The following SYNJ1 variants were observed in gnomAD, a reference collection of about 807,000 sequenced individuals.
SYNJ1 encodes synaptojanin 1.
In SYNJ1, 78 loss-of-function variants were observed where a neutral mutation model predicts 168.2. That is an observed-to-expected ratio of 0.46 (90% CI 0.39 to 0.56). The LOEUF is 0.56. Ranked by LOEUF, SYNJ1 falls within the 20% of genes least tolerant of loss-of-function variation. The pLI, the probability that SYNJ1 is intolerant of heterozygous loss-of-function variation, is 0.00. For synonymous variants in SYNJ1, 539 were observed against 548.6 expected, an observed-to-expected ratio of 0.98 and a Z score of 0.24; for missense variants, 1,303 against 1,597.6, an observed-to-expected ratio of 0.82 and a Z score of 3.14.
chr21:32,708,583 G>A (rs187883178), intron 2 of SYNJ1, among the ~76,000 whole-genome samples: 73 of 152,282 alleles, frequency 4.8e-4, no homozygotes, highest in African/African-American at 1.7e-3. Flanking sequence ...GGCCTGCACC[G>A]CATTAGTTCA....
chr21:32,656,938 G>A (rs2040481431), intron 20 of SYNJ1, 36 bp from the exon 21 acceptor site: 2 of 1,610,634 alleles, frequency 1.2e-6, no homozygotes, highest in Non-Finnish European at 8.5e-7. Flanking sequence ...TATTAGAAAT[G>A]TTTTTAAAAG....
At position 32,650,320 on chromosome 21, in the gene SYNJ1, A is replaced by G. The variant is rs1391096062; in HGVS notation, c.2901T>C (p.Ala967=). The G allele has an allele frequency of 6.2e-7, 1 of 1,612,548 alleles. No individual in the cohort carries two copies. Among genetic ancestry groups the G allele is most frequent in the African/African-American group, 1.3e-5 (1 of 74,844 alleles). Residue 967 remains alanine (A), a synonymous_variant, in exon 23 of 33, where the codon GCT becomes GCC. Coordinates refer to ENST00000674351, the MANE Select transcript of SYNJ1 (RefSeq NM_203446.3). ...KELLNRTITI[A]LKSPDWIKNL... ...TTTTGATCCAGTCTGGACTTTTTAA[A>G]GCAATAGTTATAGTCCGATTCAATA... is the stretch of plus-strand genomic sequence containing the variant.
At chr21:32,669,167 G>A (rs913402792) in intron 15 of SYNJ1, among the ~76,000 whole-genome samples, 5 of 152,124 alleles carry the variant, frequency 3.3e-5, no homozygotes, top group African/African-American at 7.2e-5. Flanking sequence ...AAAAGAAAAT[G>A]CTTTAAATTG....
intron 2 of SYNJ1, among the ~76,000 whole-genome samples, chr21:32,719,000 C>A (rs1006932958): frequency 1.3e-5 from 2 of 152,066 alleles, no homozygotes; most frequent in Admixed American, 1.3e-4. Flanking sequence ...ACAATAATTA[C>A]AGTAAAAAAA....
At chr21:32,655,474 A>G (rs1601301695) in intron 21 of SYNJ1, among the ~76,000 whole-genome samples, 1 of 152,082 alleles carries the variant, frequency 6.6e-6, no homozygotes, top group South Asian at 2.1e-4. Flanking sequence ...TTTCTTCTCC[A>G]TTTGTTCATT....
chr21:32,659,487 C>T (rs1295119283), intron 18 of SYNJ1, among the ~76,000 whole-genome samples: 5 of 152,146 alleles, frequency 3.3e-5, no homozygotes, highest in Non-Finnish European at 5.9e-5. Flanking sequence ...GCACTGCGCC[C>T]TGGGCCTGGT....
In SYNJ1 at chr21:32,652,390, A is replaced by G. The variant is rs369038568; in HGVS notation, c.2874+898T>C. 8.5e-5 allele frequency among the ~76,000 whole-genome samples: 13 copies of G among 152,154 alleles called. No individual in the cohort carries two copies. In the East Asian group the frequency reaches 9.7e-4, roughly 11 times the overall value. On this transcript the variant is annotated intron_variant, in intron 22 of 32. Transcript: ENST00000674351. ...TACTTCTTGTATTTTTAGTAGAGAC[A>G]GGTTTTTGCCATGTTGGCCAGGCTG... is the stretch of plus-strand genomic sequence containing the variant.
intron 18 of SYNJ1, among the ~76,000 whole-genome samples, chr21:32,659,677 G>A (rs1039960756): frequency 2.0e-5 from 3 of 152,178 alleles, no homozygotes; most frequent in Non-Finnish European, 4.4e-5. Context: ...CCCCCTTGGA[G>A]TTGTAAGCCC....
chr21:32,681,588 A>C lies in SYNJ1; in HGVS notation c.1261T>G (p.Phe421Val). 6.2e-7 allele frequency: 1 copy of C among 1,613,948 alleles called. No individual in the cohort carries two copies. Among genetic ancestry groups the C allele is most frequent in the Non-Finnish European group, 8.5e-7 (1 of 1,179,874 alleles). Residue 421 changes from phenylalanine to valine, a missense_variant, in exon 11 of 33, where the codon TTT becomes GTT. This residue lies in a region of SYNJ1 where 920 missense variants were observed against 1,208.8 expected (regional missense o/e 0.76). Transcript: ENST00000674351. ...CACATTGACCGAAAAACTTCTTGAA[A>C]GCGAGTCACCAACTGAGGCTTTTCA... is the stretch of plus-strand genomic sequence containing the variant. Reference protein sequence around the residue: ...LAEKPQLVTRFQEVFRSMWSV... With the variant: ...LAEKPQLVTRVQEVFRSMWSV...
chr21:32,684,324 T>C (rs1000598658), intron 9 of SYNJ1, among the ~76,000 whole-genome samples: 2 of 152,246 alleles, frequency 1.3e-5, no homozygotes, highest in African/African-American at 4.8e-5. Flanking sequence ...TTTTGTCACA[T>C]ATGCTTCATT....
chr21:32,662,568 G>A (rs1363452944), intron 18 of SYNJ1, among the ~76,000 whole-genome samples: 1 of 152,078 alleles, frequency 6.6e-6, no homozygotes, highest in East Asian at 1.9e-4. Flanking sequence ...AATGATACAA[G>A]TATTAGCCAA....
intron 18 of SYNJ1, among the ~76,000 whole-genome samples, chr21:32,664,281 G>A (rs979507029): frequency 2.0e-5 from 3 of 152,198 alleles, no homozygotes; most frequent in Admixed American, 2.0e-4. Flanking sequence ...TCCCATTAAT[G>A]AGTGAAGTTC....
intron 2 of SYNJ1, among the ~76,000 whole-genome samples, chr21:32,704,043 T>C (rs542520746): frequency 6.6e-4 from 101 of 152,300 alleles, no homozygotes; most frequent in African/African-American, 2.4e-3. Context: ...ACCACCTTCC[T>C]TTAGAAAACA....
intron 2 of SYNJ1, among the ~76,000 whole-genome samples, chr21:32,717,120 C>T (rs1230589033): frequency 2.0e-5 from 3 of 152,008 alleles, no homozygotes; most frequent in African/African-American, 7.2e-5. Context: ...CCACCACGCC[C>T]GGCTAATTTT....
chr21:32,639,721 G>A lies in SYNJ1; in HGVS notation c.3647C>T (p.Ala1216Val), dbSNP rs1440607885. 1 of 1,614,166 alleles carries A rather than the reference G, an allele frequency of 6.2e-7. No homozygotes were observed. Among genetic ancestry groups the A allele is most frequent in the Non-Finnish European group, 8.5e-7 (1 of 1,180,032 alleles). Residue 1216 changes from alanine to valine, a missense_variant, in exon 30 of 33, where the codon GCT becomes GTT. Physicochemically the swap from Ala to Val is moderately conservative, Grantham distance 64. Around this residue, in one of 2 missense-constraint regions of SYNJ1, gnomAD observed 383 missense variants for 388.8 expected, o/e 0.99. Transcript: ENST00000674351. ...TTGGCTTTCAGGAGTCAGTCTTCCA[G>A]CAGATGCCCGCGCGTGGCTCTGTGG... ...SAPQSHARAS[A>V]GRLTPESQSK...
chr21:32,646,627 A>C, intron 23 of SYNJ1, 25 bp from the exon 24 acceptor site: 1 of 1,576,390 alleles, frequency 6.3e-7, no homozygotes, highest in African/African-American at 1.3e-5. Flanking sequence ...GCTTGATCAG[A>C]GATAACTCCA....
chr21:32,701,998 A>C lies in SYNJ1; in HGVS notation c.174T>G (p.Asp58Glu). 1.3e-6 allele frequency: 2 copies of C among 1,580,808 alleles called. No homozygotes were observed. The highest frequency in any genetic ancestry group is 1.7e-6 in the Non-Finnish European group (2 of 1,157,574). ...AIKGTYSKVLDAYGLLGVLRL... is the reference protein window; with the variant it reads ...AIKGTYSKVLEAYGLLGVLRL... ...GCAGAACACCTAAGAGTCCATATGC[A>C]TCCAGTACTTTGGAGTATGTACCCT... Residue 58 changes from aspartate to glutamate, a missense_variant, in exon 3 of 33, where the codon GAT becomes GAG. Coordinates refer to ENST00000674351, the MANE Select transcript of SYNJ1 (RefSeq NM_203446.3).
At chr21:32,728,027 C>T, upstream of SYNJ1, 1 of 1,535,448 alleles carries the variant, frequency 6.5e-7, no homozygotes, top group South Asian at 1.2e-5. Context: ...CCAGCAGGCC[C>T]ATCTCTTCCG....
intron 2 of SYNJ1, among the ~76,000 whole-genome samples, chr21:32,708,831 T>A (rs966140472): frequency 6.6e-6 from 1 of 151,672 alleles, no homozygotes; most frequent in Middle Eastern, 3.2e-3. Context: ...CCAAAAAGAA[T>A]CATTTTGCTG....
Sources: allele counts gnomAD v4.1 joint callset (sites outside exome capture counted in the v4.1 genomes callset), GRCh38; gene constraint gnomAD v4.1.1; regional missense constraint gnomAD v4.1.1; transcripts MANE v1.5; gene names NCBI Gene and HGNC (gene_info 2026-07-23, HGNC 2026-07-21).